SNX9: variants seen among roughly 807,000 people sequenced by gnomAD.
SNX9 encodes the protein sorting nexin 9, also known as sorting nexin-9.
Under a neutral mutation model 89.4 loss-of-function variants are expected in SNX9, and 44 were observed. The observed-to-expected ratio is 0.49, with a 90% confidence interval of 0.39 to 0.63. The LOEUF (loss-of-function observed/expected upper bound fraction) is 0.63, where lower values mean the gene tolerates loss of function less well. SNX9 is among the 30% of genes least tolerant of loss of function. SNX9 has a pLI of 0.00. For synonymous variants in SNX9, 236 were observed against 247.8 expected (o/e 0.95, Z 0.45); for missense variants, 578 against 736.1 (o/e 0.79, Z 2.49).
chr6:157,926,994 G>A, intron 10 of SNX9, 117 bp from the exon 11 acceptor site: 1 of 705,884 alleles, frequency 1.4e-6, no homozygotes, highest in Non-Finnish European at 2.5e-6. Context: ...TAGAGTGGGA[G>A]CTGCTTCCTG....
At chr6:157,911,635 G>C (rs1020495971) in intron 9 of SNX9, among the ~76,000 whole-genome samples, 2 of 152,140 alleles carry the variant, frequency 1.3e-5, no homozygotes, top group African/African-American at 4.8e-5. Flanking sequence ...CTCTATTGCT[G>C]AAAAAGGAAT....
At chr6:157,928,886 A>G (rs1783750537) in intron 12 of SNX9, among the ~76,000 whole-genome samples, 184 bp downstream of exon 12, 1 of 152,196 alleles carries the variant, frequency 6.6e-6, no homozygotes, top group African/African-American at 2.4e-5. Flanking sequence ...AAAACTGACC[A>G]GCAAAGCCAG....
intron 1 of SNX9, among the ~76,000 whole-genome samples, chr6:157,860,550 C>A (rs1003410798): frequency 6.6e-6 from 1 of 152,204 alleles, no homozygotes; most frequent in Non-Finnish European, 1.5e-5. Flanking sequence ...TGTGATATGG[C>A]CAGTTGATGC....
chr6:157,871,509 C>T (rs775011375), intron 2 of SNX9, among the ~76,000 whole-genome samples: 3 of 151,820 alleles, frequency 2.0e-5, no homozygotes, highest in Non-Finnish European at 4.4e-5. Context: ...CGGGGAACGT[C>T]GCACACCAGG....
chr6:157,900,094 CG>C (rs1333049307), intron 5 of SNX9, among the ~76,000 whole-genome samples: 3 of 152,150 alleles, frequency 2.0e-5, no homozygotes, highest in Non-Finnish European at 4.4e-5. Flanking sequence ...CCTAGTTCCC[CG>C]TCTCCCTGCC....
chr6:157,903,916 C>T (rs1783158379), intron 6 of SNX9, among the ~76,000 whole-genome samples: 1 of 152,218 alleles, frequency 6.6e-6, no homozygotes, highest in African/African-American at 2.4e-5. Context: ...TGAGGCATCT[C>T]TGTCTCTCTG....
intron 1 of SNX9, among the ~76,000 whole-genome samples, chr6:157,836,570 G>A (rs905837296): frequency 1.5e-4 from 23 of 151,996 alleles, no homozygotes; most frequent in African/African-American, 5.1e-4. Flanking sequence ...TCTGGGGTGG[G>A]GCTGAGAACA....
At chr6:157,862,911 C>A (rs1782172786) in intron 1 of SNX9, among the ~76,000 whole-genome samples, 1 of 152,114 alleles carries the variant, frequency 6.6e-6, no homozygotes, top group African/African-American at 2.4e-5. Context: ...TGTGGACTGA[C>A]AGTTTAATAA....
chr6:157,921,698 G>A, intron 10 of SNX9, 37 bp downstream of exon 10: 2 of 1,596,326 alleles, frequency 1.3e-6, no homozygotes, highest in South Asian at 2.2e-5. Context: ...AGAGAATATT[G>A]AGAGTTGTCT....
chr6:157,853,082 T>C (rs964507613), intron 1 of SNX9, among the ~76,000 whole-genome samples: 1 of 151,930 alleles, frequency 6.6e-6, no homozygotes, highest in East Asian at 1.9e-4. Flanking sequence ...CAGTTTTCCA[T>C]CTAGTATCAT....
At chr6:157,915,623 TAAA>T (rs1172699831) in intron 9 of SNX9, among the ~76,000 whole-genome samples, 2 of 71,258 alleles carry the variant, frequency 2.8e-5, no homozygotes, top group African/African-American at 1.5e-4. Context: ...CCATCTCTAC[TAAA>T]AAAAAAAAAA....
chr6:157,828,052 C>T (rs1040114454), intron 1 of SNX9, among the ~76,000 whole-genome samples: 36 of 152,088 alleles, frequency 2.4e-4, no homozygotes, highest in African/African-American at 8.7e-4. Flanking sequence ...TTTGTAGCCC[C>T]TCCAGAGCAG....
At chr6:157,891,539 A>G (rs1782861879) in intron 4 of SNX9, among the ~76,000 whole-genome samples, 2 of 152,228 alleles carry the variant, frequency 1.3e-5, no homozygotes, top group Non-Finnish European at 2.9e-5. Context: ...AGAGTAAGAT[A>G]TATTTCATAC....
intron 3 of SNX9, among the ~76,000 whole-genome samples, chr6:157,873,761 T>C (rs1782465767): frequency 6.6e-6 from 1 of 152,108 alleles, no homozygotes; most frequent in African/African-American, 2.4e-5. Flanking sequence ...AGTGCATATC[T>C]CAGTTCCTTC....
intron 16 of SNX9, 90 bp from the exon 17 acceptor site, chr6:157,940,793 T>A: frequency 8.8e-7 from 1 of 1,142,746 alleles, no homozygotes; most frequent in Non-Finnish European, 1.3e-6. Flanking sequence ...TAGGTCAGGT[T>A]GATGATTAAT....
intron 4 of SNX9, among the ~76,000 whole-genome samples, chr6:157,894,106 CTT>C (rs746909411): frequency 2.8e-3 from 252 of 89,512 alleles, no homozygotes; most frequent in Non-Finnish European, 4.3e-3. Context: ...CTTTTCTTTT[CTT>C]TTTTTTTTTT....
At chr6:157,877,111 A>G (rs569350067) in intron 4 of SNX9, among the ~76,000 whole-genome samples, 1 of 152,368 alleles carries the variant, frequency 6.6e-6, no homozygotes, top group East Asian at 1.9e-4. Context: ...TATTATCTCA[A>G]GATAGGTGGA....
intron 13 of SNX9, among the ~76,000 whole-genome samples, chr6:157,933,095 C>T (rs1783848431): frequency 6.6e-6 from 1 of 151,700 alleles, no homozygotes; most frequent in African/African-American, 2.4e-5. Context: ...GAAAGGAACC[C>T]AGGCAACATA....
chr6:157,917,062 A>G (rs1043408444), intron 9 of SNX9, among the ~76,000 whole-genome samples: 6 of 152,210 alleles, frequency 3.9e-5, no homozygotes, highest in African/African-American at 1.2e-4. Context: ...GGCTTTAACT[A>G]TGAATTTAAT....
Sources: gnomAD v4.1 joint callset for allele counts (sites outside exome capture counted in the v4.1 genomes callset) on GRCh38, gnomAD v4.1.1 for gene constraint, MANE v1.5 for transcripts, NCBI Gene and HGNC (gene_info 2026-07-23, HGNC 2026-07-21) for gene names.